Variants in PTAR1 observed in about 807,000 individuals in gnomAD.
The protein encoded by PTAR1 is protein prenyltransferase alpha subunit repeat-containing protein 1.
Under a neutral mutation model 45.5 loss-of-function variants are expected in PTAR1, and 17 were observed. The observed-to-expected ratio is 0.37, with a 90% CI of 0.26 to 0.56. The LOEUF is 0.56. PTAR1 is among the 20% of genes least tolerant of loss of function. The probability of loss-of-function intolerance (pLI) is 0.77; values close to 1 mark genes in which losing one functional copy is unlikely to be tolerated. For synonymous variants in PTAR1, 169 were observed against 171.3 expected (o/e 0.99, Z 0.11); for missense variants, 391 against 476.3 (o/e 0.82, Z 1.67).
intron 5 of PTAR1, among the ~76,000 whole-genome samples, chr9:69,728,435 G>A (rs1299733944): frequency 1.3e-5 from 2 of 152,106 alleles, no homozygotes; most frequent in African/African-American, 2.4e-5. Context: ...CACAGTGGCT[G>A]TACCATTTTA....
intron 3 of PTAR1, among the ~76,000 whole-genome samples, chr9:69,736,406 A>C (rs1825790887): frequency 6.6e-6 from 1 of 152,184 alleles, no homozygotes; most frequent in Non-Finnish European, 1.5e-5. Context: ...AAAGTAAAAA[A>C]ATTAGCTGGG....
In PTAR1 at chr9:69,724,876, T is replaced by C. The variant is rs1019193955; in HGVS notation, c.643-1246A>G. On this transcript the variant is annotated intron_variant, in intron 5 of 7. Transcript: ENST00000340434. ...ATAGTAAGATTACTTCCAGCCAAGA[T>C]AGTCAAGTTGTATCAGTGATATGTT... 5.3e-5 allele frequency among the ~76,000 whole-genome samples: 8 copies of C among 152,230 alleles called. No homozygotes were observed. The East Asian group carries it at 5.8e-4, about 11-fold the overall frequency.
At chr9:69,730,032 T>A (rs1187436090) in intron 5 of PTAR1, among the ~76,000 whole-genome samples, 1 of 152,174 alleles carries the variant, frequency 6.6e-6, no homozygotes, top group African/African-American at 2.4e-5. Flanking sequence ...TTTAGACTAC[T>A]GGTATTTTTG....
Position 69,734,061 on chromosome 9 carries a change from A to T in PTAR1, c.428+89T>A, listed in dbSNP as rs962585836. On this transcript the variant is annotated intron_variant, in intron 4 of 7. Transcript: ENST00000340434. Reference sequence around the variant, plus strand: ...CTTCAGAATTCATGCTCTGGAACCAATAAGTAACCTTGCCTCTCACATGTC... The same window carrying T: ...CTTCAGAATTCATGCTCTGGAACCATTAAGTAACCTTGCCTCTCACATGTC... 30 of 765,264 alleles carry T rather than the reference A, an allele frequency of 3.9e-5. No homozygotes were observed. The South Asian group carries it at 4.7e-4, about 12-fold the overall frequency. 47.4% of individuals were successfully genotyped at this position (765,264 alleles called of 1,614,324 possible).
At chr9:69,742,148 T>C (rs1485991956) in intron 2 of PTAR1, among the ~76,000 whole-genome samples, 1 of 152,194 alleles carries the variant, frequency 6.6e-6, no homozygotes, top group Admixed American at 6.5e-5. Flanking sequence ...TTTTTGGTAC[T>C]AATTTAATAT....
At chr9:69,721,930 T>A (rs1029052190) in intron 6 of PTAR1, among the ~76,000 whole-genome samples, 4 of 152,214 alleles carry the variant, frequency 2.6e-5, no homozygotes, top group African/African-American at 9.6e-5. Context: ...TTTATTGCTA[T>A]ATTCACTTTA....
rs995649077 is a variant in PTAR1, at chr9:69,741,681, A to G, written c.323+111T>C. 98 of 694,242 alleles carry G rather than the reference A, an allele frequency of 1.4e-4. No individual in the cohort carries two copies. In the African/African-American group the frequency reaches 1.6e-3, roughly 11 times the overall value. 43.0% of individuals were successfully genotyped at this position (694,242 alleles called of 1,614,324 possible). On this transcript the variant is annotated intron_variant, in intron 3 of 7. Transcript: ENST00000340434. ...CAGGTATAAAGAATAGGGAGAAGAA[A>G]TAAGTGTAAAATGGTTTATATTTCG... is the stretch of plus-strand genomic sequence containing the variant.
At chr9:69,725,203 A>G (rs1289185039) in intron 5 of PTAR1, among the ~76,000 whole-genome samples, 2 of 152,206 alleles carry the variant, frequency 1.3e-5, no homozygotes, top group African/African-American at 4.8e-5. Context: ...AACTTATATA[A>G]TATGAAAACA....
chr9:69,754,041 G>A (rs1826649412), intron 1 of PTAR1, among the ~76,000 whole-genome samples: 1 of 152,166 alleles, frequency 6.6e-6, no homozygotes, highest in African/African-American at 2.4e-5. Flanking sequence ...AAGACACAGT[G>A]TTATGCTGCT....
chr9:69,751,681 T>C (rs979581763), intron 1 of PTAR1, among the ~76,000 whole-genome samples: 2 of 152,084 alleles, frequency 1.3e-5, no homozygotes, highest in Non-Finnish European at 2.9e-5. Context: ...TAAATGCATG[T>C]GGACCAGAAA....
intron 5 of PTAR1, among the ~76,000 whole-genome samples, chr9:69,725,238 T>A (rs1825214754): frequency 1.3e-5 from 2 of 152,170 alleles, no homozygotes. Context: ...AACTGGATAT[T>A]TCTATGTATA....
intron 5 of PTAR1, among the ~76,000 whole-genome samples, chr9:69,728,923 GTGTA>G (rs1032899255): frequency 5.3e-5 from 8 of 152,146 alleles, no homozygotes; most frequent in Non-Finnish European, 7.4e-5. Flanking sequence ...GCATTGTTGT[GTGTA>G]TGTATTACTA....
intron 1 of PTAR1, among the ~76,000 whole-genome samples, chr9:69,752,995 T>C (rs1278886075): frequency 6.6e-6 from 1 of 152,142 alleles, no homozygotes; most frequent in Non-Finnish European, 1.5e-5. Flanking sequence ...ATAAACTCAA[T>C]GTGATTATTT....
chr9:69,751,060 A>G (rs1374287534), intron 1 of PTAR1, 110 bp from the exon 2 acceptor site: 1 of 783,032 alleles, frequency 1.3e-6, no homozygotes, highest in Non-Finnish European at 2.0e-6. Context: ...CCTTCCTTAC[A>G]AATATTATTT....
At chr9:69,731,890 C>T (rs896470881) in intron 5 of PTAR1, 19 of 512,228 alleles carry the variant, frequency 3.7e-5, no homozygotes, top group African/African-American at 3.1e-4. Context: ...CTCAATCTTC[C>T]TCAGTTGGTT....
chr9:69,731,780 C>T (rs1255001933), intron 5 of PTAR1, among the ~76,000 whole-genome samples: 1 of 152,150 alleles, frequency 6.6e-6, no homozygotes, highest in Non-Finnish European at 1.5e-5. Context: ...AGCCAGCTGA[C>T]TTAGTATATT....
intron 1 of PTAR1, among the ~76,000 whole-genome samples, chr9:69,755,651 A>C (rs1333474390): frequency 6.6e-6 from 1 of 151,140 alleles, no homozygotes; most frequent in Non-Finnish European, 1.5e-5. Context: ...CCCACCCCCC[A>C]AAAGAACTGG....
At chr9:69,744,662 A>ACTTT (rs1826195380) in intron 2 of PTAR1, among the ~76,000 whole-genome samples, 1 of 152,162 alleles carries the variant, frequency 6.6e-6, no homozygotes, top group African/African-American at 2.4e-5. Flanking sequence ...CTGGCATTAC[A>ACTTT]GGTGTGAGCC....
At position 69,732,369 on chromosome 9, in the gene PTAR1, T is replaced by C; in HGVS notation, c.429-17A>G. 6.4e-7 allele frequency: 1 copy of C among 1,561,004 alleles called. No homozygotes were observed. Among genetic ancestry groups the C allele is most frequent in the Admixed American group, 1.7e-5 (1 of 59,832 alleles). The stretch of plus-strand genomic sequence containing the variant: ...ACCCATCGCCTGTTAAGGCAGCATG[T>C]GGGAAAGAGAACACAGAAAGAACAT... On this transcript the variant is annotated splice_polypyrimidine_tract_variant and intron_variant, in intron 4 of 7. Coordinates refer to ENST00000340434, the MANE Select transcript of PTAR1 (RefSeq NM_001099666.2).
Sources: allele counts gnomAD v4.1 joint callset (sites outside exome capture counted in the v4.1 genomes callset), GRCh38; gene constraint gnomAD v4.1.1; transcripts MANE v1.5; gene names NCBI Gene and HGNC (gene_info 2026-07-23, HGNC 2026-07-21).